Variants in SLC22A23 observed in about 807,000 individuals in gnomAD.
The protein encoded by SLC22A23 is solute carrier family 22 member 23.
A neutral mutation model predicts 61.0 loss-of-function variants in SLC22A23; 26 were observed. The observed-to-expected ratio is 0.43, with a 90% confidence interval of 0.31 to 0.59. SLC22A23 has a LOEUF of 0.59. Ranked by LOEUF, SLC22A23 falls within the 20% of genes least tolerant of loss-of-function variation. The pLI is 0.11. For synonymous variants in SLC22A23, 430 were observed against 413.9 expected (o/e 1.04, Z -0.47); for missense variants, 796 against 934.7 (o/e 0.85, Z 1.94).
chr6:3,422,634 C>T (rs761120174), intron 1 of SLC22A23, among the ~76,000 whole-genome samples: 1 of 152,218 alleles, frequency 6.6e-6, no homozygotes, highest in Admixed American at 6.5e-5. Flanking sequence ...GCCAACACAA[C>T]TGCCAATTAG....
intron 3 of SLC22A23, among the ~76,000 whole-genome samples, chr6:3,404,557 A>C (rs1345273103): frequency 6.6e-6 from 1 of 152,178 alleles, no homozygotes; most frequent in African/African-American, 2.4e-5. Flanking sequence ...CAATTTTGAG[A>C]AAAATCAGTC....
chr6:3,445,315 C>T (rs1444908669), intron 1 of SLC22A23, among the ~76,000 whole-genome samples: 1 of 152,150 alleles, frequency 6.6e-6, no homozygotes, highest in Non-Finnish European at 1.5e-5. Flanking sequence ...TGTCCTGCCT[C>T]AGCCTCCTGA....
At chr6:3,420,912 C>A (rs1185481542) in intron 1 of SLC22A23, among the ~76,000 whole-genome samples, 1 of 151,968 alleles carries the variant, frequency 6.6e-6, no homozygotes, top group Non-Finnish European at 1.5e-5. Context: ...CTAGACCAGC[C>A]CGGCCAATAT....
chr6:3,308,495 A>C lies in SLC22A23; in HGVS notation c.1083-10277T>G, dbSNP rs1345536918. 6.6e-6 allele frequency among the ~76,000 whole-genome samples: 1 copy of C among 152,164 alleles called. No individual in the cohort carries two copies. Among genetic ancestry groups the C allele is most frequent in the Non-Finnish European group, 1.5e-5 (1 of 68,040 alleles). ...CCTGGTGCTCAGAGACAGTTCCCCC[A>C]GGTGTGGACAGTGGCTCTTCTCCTG... is the stretch of plus-strand genomic sequence containing the variant. On this transcript the variant is annotated intron_variant, in intron 4 of 9. Coordinates refer to ENST00000406686, the MANE Select transcript of SLC22A23 (RefSeq NM_015482.2). This position sits in a 1 kb window ranked among gnomAD's most constrained non-coding sequence, Gnocchi z 5.1.
intron 4 of SLC22A23, among the ~76,000 whole-genome samples, chr6:3,306,399 A>T (rs548880971): frequency 7.9e-5 from 12 of 152,338 alleles, no homozygotes; most frequent in Non-Finnish European, 1.5e-4. Flanking sequence ...GGCTTGCTTG[A>T]AACCACAGAT....
chr6:3,324,076 C>T lies in SLC22A23; in HGVS notation c.914-74G>A. 6.5e-7 allele frequency: 1 copy of T among 1,550,196 alleles called. No individual in the cohort carries two copies. The highest frequency in any genetic ancestry group is 1.7e-5 in the Admixed American group (1 of 57,842). ...CCGAGAAGTCCTGGGTGCACCTGGG[C>T]CAGTGCACTGCTTAACCCACCAACG... On this transcript the variant is annotated intron_variant, in intron 3 of 9. Coordinates refer to ENST00000406686, the MANE Select transcript of SLC22A23 (RefSeq NM_015482.2). The surrounding 1 kb of genome is among the most constrained non-coding windows in gnomAD (Gnocchi z 4.3).
At chr6:3,353,122 C>T (rs756306725) in intron 3 of SLC22A23, among the ~76,000 whole-genome samples, 24 of 152,244 alleles carry the variant, frequency 1.6e-4, no homozygotes, top group Non-Finnish European at 3.2e-4. Context: ...TCCGCCTAAT[C>T]TAAAATTACA....
intron 5 of SLC22A23, 80 bp from the exon 6 acceptor site, chr6:3,289,946 T>A: frequency 9.4e-7 from 1 of 1,062,252 alleles, no homozygotes; most frequent in Non-Finnish European, 1.4e-6. Context: ...CAGCCCTGGT[T>A]CCCCAGTTCG....
chr6:3,410,054 G>A lies in SLC22A23; in HGVS notation c.913+134C>T. On this transcript the variant is annotated intron_variant, in intron 3 of 9. Transcript: ENST00000406686. The surrounding 1 kb of genome is among the most constrained non-coding windows in gnomAD (Gnocchi z 5.0). ...GAAAAGCCTCTTTCACAACACTTGA[G>A]GCCTTTAATGTTTGTGTTTCCACAA... The A allele has an allele frequency of 1.0e-6, 1 of 953,134 alleles. No homozygotes were observed. The highest frequency in any genetic ancestry group is 1.5e-6 in the Non-Finnish European group (1 of 653,846). The allele number at this position is 953,134 out of a possible 1,614,324, so 59.0% of individuals were successfully genotyped here. A position where few individuals can be genotyped will look rare whatever the true frequency, so the allele number is the denominator to read the frequency against.
intron 4 of SLC22A23, among the ~76,000 whole-genome samples, chr6:3,299,091 G>A (rs1239396112): frequency 3.3e-5 from 5 of 151,620 alleles, no homozygotes; most frequent in Admixed American, 1.3e-4. Flanking sequence ...CACCATCACT[G>A]TGTACCCCAT....
intron 3 of SLC22A23, among the ~76,000 whole-genome samples, chr6:3,388,493 T>C (rs1040367218): frequency 6.6e-6 from 1 of 152,216 alleles, no homozygotes; most frequent in Admixed American, 6.5e-5. Context: ...CGTGGAAAAC[T>C]GTGACACTTC....
At chr6:3,364,885 C>T (rs1306237082) in intron 3 of SLC22A23, among the ~76,000 whole-genome samples, 4 of 151,994 alleles carry the variant, frequency 2.6e-5, no homozygotes, top group African/African-American at 9.7e-5. Flanking sequence ...CTCACTCTGG[C>T]GGTGTGGTGG....
chr6:3,283,316 C>T, intron 9 of SLC22A23: 1 of 170,662 alleles, frequency 5.9e-6, no homozygotes, highest in South Asian at 1.4e-4. Flanking sequence ...CCTATAATCC[C>T]AGCTACTCTG....
chr6:3,298,044 T>C (rs921270785), intron 5 of SLC22A23, 47 bp downstream of exon 5: 23 of 1,454,048 alleles, frequency 1.6e-5, no homozygotes, highest in Non-Finnish European at 2.0e-5. Context: ...GTCAGGGACC[T>C]GCCCCGTGGA....
At chr6:3,392,856 T>C (rs1767754590) in intron 3 of SLC22A23, among the ~76,000 whole-genome samples, 1 of 152,100 alleles carries the variant, frequency 6.6e-6, no homozygotes, top group South Asian at 2.1e-4. Flanking sequence ...GGGTATACGA[T>C]TTTGGAACTC....
intron 9 of SLC22A23, among the ~76,000 whole-genome samples, chr6:3,281,426 G>C (rs932049048): frequency 6.6e-6 from 1 of 152,174 alleles, no homozygotes; most frequent in Admixed American, 6.5e-5. Flanking sequence ...GTTGCTTTTT[G>C]TGGTGGAACA....
Position 3,415,959 on chromosome 6 carries a change from G to A in SLC22A23, c.655-104C>T, listed in dbSNP as rs908569971. 2.6e-4 allele frequency: 194 copies of A among 760,170 alleles called. No individual in the cohort carries two copies. In the East Asian group the frequency reaches 4.0e-3, roughly 16 times the overall value. The allele number at this position is 760,170 out of a possible 1,614,324, so 47.1% of individuals were successfully genotyped here. ...ATAACCCTGCAGGGACCACCGCACC[G>A]TTGCCAGTACCATGCCATATACACC... On this transcript the variant is annotated intron_variant, in intron 1 of 9. Transcript: ENST00000406686.
intron 3 of SLC22A23, among the ~76,000 whole-genome samples, chr6:3,396,814 G>A (rs1038027693): frequency 4.6e-5 from 7 of 152,156 alleles, no homozygotes; most frequent in African/African-American, 7.2e-5. Flanking sequence ...TCTGGCTCCC[G>A]CATCTGCTGA....
rs1377901072 is a variant in SLC22A23, at chr6:3,308,242, C to T, written c.1083-10024G>A. 6.6e-6 allele frequency among the ~76,000 whole-genome samples: 1 copy of T among 152,108 alleles called. No individual in the cohort carries two copies. The highest frequency in any genetic ancestry group is 1.5e-5 in the Non-Finnish European group (1 of 68,034). On this transcript the variant is annotated intron_variant, in intron 4 of 9. Transcript: ENST00000406686. The surrounding 1 kb of genome is among the most constrained non-coding windows in gnomAD (Gnocchi z 5.1). ...ATTACAGAGAAGACGAAAGCCCCCCCATACCGCTCACCCCAATCCCAGTGC... is the reference window on the plus strand; with the variant it reads ...ATTACAGAGAAGACGAAAGCCCCCCTATACCGCTCACCCCAATCCCAGTGC...
Sources: gnomAD v4.1 joint callset for allele counts (sites outside exome capture counted in the v4.1 genomes callset) on GRCh38, gnomAD v4.1.1 for gene constraint, Gnocchi (gnomAD v3.1) non-coding constraint, MANE v1.5 for transcripts, NCBI Gene and HGNC (gene_info 2026-07-23, HGNC 2026-07-21) for gene names.